UBE2V2: variants seen among roughly 807,000 people sequenced by gnomAD.
UBE2V2 encodes ubiquitin conjugating enzyme E2 V2.
UBE2V2 carries 9 observed loss-of-function variants against 17.2 expected under a neutral mutation model. The ratio of observed to expected loss-of-function variants is 0.52; its 90% CI spans 0.32 to 0.91. The LOEUF (loss-of-function observed/expected upper bound fraction) is 0.91. UBE2V2 is among the 40% of genes least tolerant of loss of function. The pLI, the probability that UBE2V2 is intolerant of heterozygous loss-of-function variation, is 0.04. For synonymous variants in UBE2V2, 61 were observed against 57.5 expected (o/e 1.06, Z -0.28); for missense variants, 133 against 182.6 (o/e 0.73, Z 1.56).
At chr8:48,024,785 A>G (rs1006111168) in intron 1 of UBE2V2, among the ~76,000 whole-genome samples, 54 of 152,156 alleles carry the variant, frequency 3.5e-4, no homozygotes, top group Non-Finnish European at 7.5e-4. Context: ...TGTTCTTTTA[A>G]GGTGTGAAGG....
rs926233258 is a variant in UBE2V2 at position 48,062,523 on chromosome 8, CAG to C, written c.*1698_*1699del. ...AGGAGAACTACTTGAAACTGGCAGA[CAG>C]AGGTTGCAGTGCCGAGAGCGCACCA... On this transcript the variant is annotated 3_prime_UTR_variant, in exon 4 of 4. Coordinates refer to ENST00000523111, the MANE Select transcript of UBE2V2 (RefSeq NM_003350.3). 6.8e-6 allele frequency: 1 copy of C among 146,082 alleles called. No individual in the cohort carries two copies. The highest frequency in any genetic ancestry group is 1.5e-5 in the Non-Finnish European group (1 of 67,456). 9.0% of individuals were successfully genotyped at this position (146,082 alleles called of 1,614,324 possible). A position where few individuals can be genotyped will look rare whatever the true frequency, so the allele number is the denominator to read the frequency against.
At chr8:48,000,587 C>T in the UBE2V2 span, among the ~76,000 whole-genome samples, 5 of 151,908 alleles carry the variant, frequency 3.3e-5, no homozygotes, top group Non-Finnish European at 7.4e-5. Flanking sequence ...TTTGGGAGGC[C>T]GAGGTGGGCA....
At chr8:48,010,609 G>T (rs1261996945) in intron 1 of UBE2V2, among the ~76,000 whole-genome samples, 1 of 149,654 alleles carries the variant, frequency 6.7e-6, no homozygotes, top group African/African-American at 2.5e-5. Context: ...CACCATATTG[G>T]CCAGGATGGT....
intron 3 of UBE2V2, among the ~76,000 whole-genome samples, chr8:48,060,394 T>A (rs1802576294): frequency 6.6e-6 from 1 of 152,034 alleles, no homozygotes; most frequent in Admixed American, 6.6e-5. Flanking sequence ...CCTTACTCCA[T>A]TAAGAAAGAA....
At chr8:48,008,584 G>A (rs2091203043) in intron 1 of UBE2V2, 114 bp downstream of exon 1, 2 of 1,410,712 alleles carry the variant, frequency 1.4e-6, no homozygotes, top group Non-Finnish European at 1.9e-6. Flanking sequence ...GCGCTGTCTC[G>A]AATGCCGCGC....
chr8:48,018,233 G>T (rs759743152), intron 1 of UBE2V2, among the ~76,000 whole-genome samples: 35 of 152,154 alleles, frequency 2.3e-4, no homozygotes, highest in Non-Finnish European at 4.0e-4. Context: ...CATCTTAATT[G>T]GAAAAGAAGT....
At chr8:48,008,375 TG>T (rs1563846184), upstream of UBE2V2, 5 of 1,529,188 alleles carry the variant, frequency 3.3e-6, no homozygotes, top group South Asian at 6.0e-5. Context: ...CTGTGACGCG[TG>T]CAGGGCGGCG....
At chr8:48,060,032 C>T (rs970046718) in intron 3 of UBE2V2, among the ~76,000 whole-genome samples, 2 of 151,444 alleles carry the variant, frequency 1.3e-5, no homozygotes, top group African/African-American at 4.8e-5. Context: ...ATGGTGAAAC[C>T]CTGTCTCTAC....
At chr8:48,014,776 C>T (rs941192188) in intron 1 of UBE2V2, among the ~76,000 whole-genome samples, 71 of 151,450 alleles carry the variant, frequency 4.7e-4, no homozygotes, top group African/African-American at 1.6e-3. Flanking sequence ...GTTGGCTGGG[C>T]GTGGTGGCTC....
At chr8:48,008,809 G>T (rs1014567435) in intron 1 of UBE2V2, among the ~76,000 whole-genome samples, 3 of 152,070 alleles carry the variant, frequency 2.0e-5, no homozygotes, top group Non-Finnish European at 4.4e-5. Context: ...AAGGTGGGCG[G>T]GTGTCAACCT....
intron 1 of UBE2V2, among the ~76,000 whole-genome samples, chr8:48,009,334 C>T (rs1442952465): frequency 6.8e-6 from 1 of 146,518 alleles, no homozygotes; most frequent in Non-Finnish European, 1.5e-5. Flanking sequence ...GGTGTGATCT[C>T]GGCTCACTGC....
At chr8:48,023,977 A>G (rs918933410) in intron 1 of UBE2V2, among the ~76,000 whole-genome samples, 1 of 152,178 alleles carries the variant, frequency 6.6e-6, no homozygotes, top group Non-Finnish European at 1.5e-5. Flanking sequence ...TAAGTTTGAC[A>G]TATGTAAGAT....
In UBE2V2 at chr8:48,050,107, T is replaced by C. The variant is rs1026394661; in HGVS notation, c.291+129T>C. ...GAGAAAGTTTTTAAAAGAGGACCTT[T>C]GTTAAGCCAAAAGTCTAAAGAAGGT... On this transcript the variant is annotated intron_variant, in intron 3 of 3. Coordinates refer to ENST00000523111, the MANE Select transcript of UBE2V2 (RefSeq NM_003350.3). 4 of 633,330 alleles carry C rather than the reference T, an allele frequency of 6.3e-6. No individual in the cohort carries two copies. The African/African-American group carries it at 7.6e-5, about 12-fold the overall frequency. The allele number at this position is 633,330 out of a possible 1,614,324, so 39.2% of individuals were successfully genotyped here. A position where few individuals can be genotyped will look rare whatever the true frequency, so the allele number is the denominator to read the frequency against.
the UBE2V2 span, among the ~76,000 whole-genome samples, chr8:48,001,425 C>A: frequency 4.6e-5 from 7 of 151,964 alleles, no homozygotes; most frequent in African/African-American, 1.7e-4. Flanking sequence ...CATGGTGAAA[C>A]CTGTCTCTAC....
chr8:48,036,907 C>T (rs1251053746), intron 1 of UBE2V2, among the ~76,000 whole-genome samples: 2 of 151,834 alleles, frequency 1.3e-5, no homozygotes, highest in South Asian at 2.1e-4. Flanking sequence ...TGGCCAGGCG[C>T]GGTGGCTCAC....
chr8:48,034,085 C>T (rs934679109), intron 1 of UBE2V2, among the ~76,000 whole-genome samples: 1 of 151,108 alleles, frequency 6.6e-6, no homozygotes, highest in Non-Finnish European at 1.5e-5. Context: ...TTGGTAACCA[C>T]TGTTTTTATT....
chr8:48,055,558 T>C (rs1046284654), intron 3 of UBE2V2, among the ~76,000 whole-genome samples: 13 of 152,200 alleles, frequency 8.5e-5, no homozygotes, highest in African/African-American at 3.1e-4. Context: ...TTTCAAACAC[T>C]TTTATGGTGA....
chr8:48,055,200 CTTT>C (rs5891260), intron 3 of UBE2V2, among the ~76,000 whole-genome samples: 7 of 134,450 alleles, frequency 5.2e-5, no homozygotes, highest in Non-Finnish European at 7.9e-5. Flanking sequence ...GTTTCTTTTC[CTTT>C]TTTTTTTTTT....
At chr8:47,999,389 G>T in the UBE2V2 span, among the ~76,000 whole-genome samples, 1,634 of 150,126 alleles carry the variant, frequency 0.011, 19 homozygotes, top group Non-Finnish European at 0.014. Context: ...ATGGAGTCTT[G>T]CTCTGTCGCC....
Sources: gnomAD v4.1 joint callset for allele counts (sites outside exome capture counted in the v4.1 genomes callset) on GRCh38, gnomAD v4.1.1 for gene constraint, MANE v1.5 for transcripts, NCBI Gene and HGNC (gene_info 2026-07-23, HGNC 2026-07-21) for gene names.